Variants in GRID1 observed in about 807,000 individuals in gnomAD.
The protein encoded by GRID1 is glutamate receptor ionotropic, delta-1.
In GRID1, 28 loss-of-function variants were observed where a neutral mutation model predicts 98.0. The observed-to-expected ratio is 0.29, with a 90% CI of 0.21 to 0.39. GRID1 has a LOEUF of 0.39. Among genes scored for constraint, GRID1 ranks in the 10% least tolerant of loss-of-function variants. The pLI is 1.00. For synonymous variants in GRID1, 553 were observed against 538.5 expected, an observed-to-expected ratio of 1.03 and a Z score of -0.37; for missense variants, 1,111 against 1,340.5, an observed-to-expected ratio of 0.83 and a Z score of 2.67.
intron 2 of GRID1, among the ~76,000 whole-genome samples, chr10:86,218,173 C>T (rs1186241049): frequency 2.0e-5 from 3 of 151,898 alleles, no homozygotes; most frequent in African/African-American, 7.3e-5. Flanking sequence ...TGTGCTTGTG[C>T]GCGTGTGTGT....
In GRID1 at chr10:85,754,515, CAA is replaced by C. The variant is rs1021841112; in HGVS notation, c.1234-24903_1234-24902del. On this transcript the variant is annotated intron_variant, in intron 8 of 15. Coordinates refer to ENST00000327946, the MANE Select transcript of GRID1 (RefSeq NM_017551.3). Reference sequence around the variant, plus strand: ...CATATGAGACTAGGGAAAGGTATGACAAAGAGAGTGAGATATGATTAAAGTTA... The same window carrying C: ...CATATGAGACTAGGGAAAGGTATGACAGAGAGTGAGATATGATTAAAGTTA... Among the ~76,000 whole-genome samples, 18 of 152,192 alleles carry C rather than the reference CAA, an allele frequency of 1.2e-4. 1 individual carries two copies. The highest frequency in any genetic ancestry group is 4.1e-4 in the South Asian group (2 of 4,824).
chr10:86,068,677 G>A (rs1337555156), intron 4 of GRID1, among the ~76,000 whole-genome samples: 1 of 152,202 alleles, frequency 6.6e-6, no homozygotes, highest in Admixed American at 6.5e-5. Flanking sequence ...ACACGCTCCA[G>A]CTGAATTAAA....
intron 8 of GRID1, among the ~76,000 whole-genome samples, chr10:85,797,818 G>A (rs1226205446): frequency 6.6e-6 from 1 of 152,132 alleles, no homozygotes; most frequent in Non-Finnish European, 1.5e-5. Context: ...TTATACATGA[G>A]AATATGCAGT....
chr10:85,818,635 A>C lies in GRID1; in HGVS notation c.1233+35861T>G, dbSNP rs77051511. 6.8e-3 allele frequency among the ~76,000 whole-genome samples: 1,036 copies of C among 152,310 alleles called. 16 individuals are homozygous for C. Among genetic ancestry groups the C allele is most frequent in the African/African-American group, 0.023 (949 of 41,566 alleles). ...AGCATGAGAAAATAAAGAAGTCCTCAAAAAGGATGAGGGAGGCATGTCCAA... is the reference window on the plus strand; with the variant it reads ...AGCATGAGAAAATAAAGAAGTCCTCCAAAAGGATGAGGGAGGCATGTCCAA... On this transcript the variant is annotated intron_variant, in intron 8 of 15. Transcript: ENST00000327946.
chr10:85,894,614 GT>G (rs1392438510), intron 5 of GRID1, among the ~76,000 whole-genome samples: 1 of 152,120 alleles, frequency 6.6e-6, no homozygotes, highest in Non-Finnish European at 1.5e-5. Flanking sequence ...GATTGTGCAG[GT>G]TTTTTAAGTG....
intron 13 of GRID1, among the ~76,000 whole-genome samples, chr10:85,632,360 A>C (rs1394302296): frequency 2.6e-5 from 4 of 152,208 alleles, no homozygotes; most frequent in Non-Finnish European, 5.9e-5. Flanking sequence ...CATTTGTTCA[A>C]GCAAATGTTC....
chr10:86,331,126 G>A (rs752445821), intron 2 of GRID1, among the ~76,000 whole-genome samples: 2 of 152,264 alleles, frequency 1.3e-5, no homozygotes, highest in Admixed American at 6.5e-5. Context: ...GCTGATCATC[G>A]TCACCCATGT....
chr10:85,793,290 C>G (rs1234013616), intron 8 of GRID1, among the ~76,000 whole-genome samples: 1 of 152,192 alleles, frequency 6.6e-6, no homozygotes, highest in Non-Finnish European at 1.5e-5. Context: ...AGCCTGCCCC[C>G]ACCTAGCAGC....
intron 2 of GRID1, among the ~76,000 whole-genome samples, chr10:86,225,872 C>G (rs761361976): frequency 9.8e-5 from 15 of 152,304 alleles, no homozygotes; most frequent in Admixed American, 3.9e-4. Flanking sequence ...CATGTTATTA[C>G]AGCAACCATG....
chr10:85,878,137 C>A (rs572612059), intron 5 of GRID1, among the ~76,000 whole-genome samples: 2 of 152,142 alleles, frequency 1.3e-5, no homozygotes. Flanking sequence ...ACCAAATCTA[C>A]GTCTGATTGG....
Position 85,926,807 on chromosome 10 carries a change from C to T in GRID1, c.727-10568G>A, listed in dbSNP as rs565605072. ...GGACTGTGGTGGAGCCACATCCTCA[C>T]ATCGTGTGAGTGAGGATTTGAATCT... On this transcript the variant is annotated intron_variant, in intron 4 of 15. Transcript: ENST00000327946. 2.4e-4 allele frequency among the ~76,000 whole-genome samples: 36 copies of T among 152,292 alleles called. No individual in the cohort carries two copies. The Middle Eastern group carries it at 0.017, about 72-fold the overall frequency.
chr10:86,182,417 C>T (rs920284974), intron 3 of GRID1, among the ~76,000 whole-genome samples: 10 of 152,214 alleles, frequency 6.6e-5, no homozygotes, highest in Admixed American at 1.3e-4. Context: ...TGGCCAAGGC[C>T]GCCCCAGCAC....
chr10:85,902,235 G>A (rs1160836445), intron 5 of GRID1, among the ~76,000 whole-genome samples: 1 of 152,180 alleles, frequency 6.6e-6, no homozygotes, highest in African/African-American at 2.4e-5. Context: ...TGATAACCTA[G>A]TAGTAGGTGA....
At chr10:86,150,605 A>G (rs1034596234) in intron 3 of GRID1, among the ~76,000 whole-genome samples, 8 of 152,240 alleles carry the variant, frequency 5.3e-5, no homozygotes, top group African/African-American at 1.9e-4. Context: ...TGGTATGGCC[A>G]AACCAATGAT....
intron 8 of GRID1, among the ~76,000 whole-genome samples, chr10:85,803,426 G>C (rs1842595204): frequency 6.6e-6 from 1 of 151,898 alleles, no homozygotes; most frequent in South Asian, 2.1e-4. Flanking sequence ...TAACCTAACT[G>C]ACATTTATGG....
chr10:85,639,615 T>G (rs974517350), intron 13 of GRID1, among the ~76,000 whole-genome samples: 5 of 152,236 alleles, frequency 3.3e-5, no homozygotes, highest in African/African-American at 7.2e-5. Flanking sequence ...GGCTCACGCC[T>G]GTAATCCCAG....
At chr10:85,865,936 T>TATATATATATATATATAC (rs1564613272) in intron 6 of GRID1, among the ~76,000 whole-genome samples, 2 of 112,674 alleles carry the variant, frequency 1.8e-5, no homozygotes, top group African/African-American at 7.2e-5. Flanking sequence ...TATATATATA[T>TATATATATATATATATAC]ATATATACAC....
At chr10:85,769,663 G>A (rs896210378) in intron 8 of GRID1, among the ~76,000 whole-genome samples, 6 of 152,208 alleles carry the variant, frequency 3.9e-5, no homozygotes, top group African/African-American at 1.4e-4. Context: ...TGGCACACCA[G>A]GAGATTATAT....
chr10:85,735,419 C>A (rs1341126047), intron 8 of GRID1, among the ~76,000 whole-genome samples: 1 of 152,144 alleles, frequency 6.6e-6, no homozygotes, highest in African/African-American at 2.4e-5. Context: ...TTATGACAAA[C>A]AACTGTGCAA....
Sources: gnomAD v4.1 joint callset for allele counts (sites outside exome capture counted in the v4.1 genomes callset) on GRCh38, gnomAD v4.1.1 for gene constraint, MANE v1.5 for transcripts, NCBI Gene and HGNC (gene_info 2026-07-23, HGNC 2026-07-21) for gene names.